The following ZFHX3 variants were observed in gnomAD, a reference collection of about 807,000 sequenced individuals.
ZFHX3 encodes zinc finger homeobox protein 3.
A neutral mutation model predicts 279.1 loss-of-function variants in ZFHX3; 42 were observed. The ratio of observed to expected loss-of-function variants is 0.15; its 90% confidence interval spans 0.12 to 0.19. The LOEUF (loss-of-function observed/expected upper bound fraction) is 0.19, where lower values mean the gene tolerates loss of function less well. Ranked by LOEUF, ZFHX3 falls within the 10% of genes least tolerant of loss-of-function variation. The pLI is 1.00. For missense variants in ZFHX3, 4,981 were observed against 4,754.0 expected (o/e 1.05, Z -1.40); for synonymous variants, 2,293 against 1,957.8 (o/e 1.17, Z -4.52).
intron 8 of ZFHX3, chr16:73,092,482 C>CA (rs1245013890): frequency 6.4e-6 from 1 of 157,178 alleles, no homozygotes; most frequent in Admixed American, 6.2e-5. Context: ...GTGGGGAGAG[C>CA]AAAGGGCCGG....
rs373469033 is a variant in ZFHX3 at position 72,811,709 on chromosome 16, C to T, written c.3732G>A (p.Thr1244=). The part of the protein sequence containing the change: ...DVNRLRVHAM[T]QHSVQPMLRC... ...GAAGCATGGGTTGCACCGAGTGCTG[C>T]GTCATGGCATGCACCCGGAGCCGGT... Residue 1244 remains threonine, a synonymous_variant, in exon 7 of 10, where the codon ACG becomes ACA. Transcript: ENST00000268489. 13 of 1,613,880 alleles carry T rather than the reference C, an allele frequency of 8.1e-6. No homozygotes were observed. The highest frequency in any genetic ancestry group is 6.7e-5 in the East Asian group (3 of 44,896).
At chr16:73,481,646 GTTTTTGTT>G (rs2018871410) in intron 2 of ZFHX3, among the ~76,000 whole-genome samples, 1 of 136,386 alleles carries the variant, frequency 7.3e-6, no homozygotes, top group South Asian at 2.3e-4. Context: ...TTGTTTGTTT[GTTTTTGTT>G]TGTTTGTTTG....
In ZFHX3 at chr16:73,091,485, C is replaced by T. The variant is rs879673497; in HGVS notation, c.-533+1750G>A. 7.2e-5 allele frequency among the ~76,000 whole-genome samples: 11 copies of T among 152,088 alleles called. No homozygotes were observed. The South Asian group carries it at 8.3e-4, about 11-fold the overall frequency. ...AGGCCAGCACACACTCCTGTGCTGG[C>T]GACACTTCTGCAGAGCTGGCCAGCA... On this transcript the variant is annotated intron_variant, in intron 8 of 17. Coordinates refer to the ZFHX3 transcript ENST00000641206.
intron 4 of ZFHX3, among the ~76,000 whole-genome samples, chr16:72,882,172 CTTTTTTTT>C (rs11298791): frequency 5.5e-4 from 57 of 103,788 alleles, no homozygotes; most frequent in African/African-American, 1.9e-3. Flanking sequence ...CCCCTTTTTC[CTTTTTTTT>C]TTTTTTTTTT....
intron 1 of ZFHX3, among the ~76,000 whole-genome samples, chr16:73,010,594 C>CA (rs1234218791): frequency 1.3e-5 from 2 of 152,192 alleles, no homozygotes; most frequent in Non-Finnish European, 2.9e-5. Context: ...CAGGTTACCT[C>CA]ATCTCAGCCT....
chr16:73,437,354 T>C (rs1383505003), intron 3 of ZFHX3, among the ~76,000 whole-genome samples: 1 of 152,196 alleles, frequency 6.6e-6, no homozygotes, highest in Non-Finnish European at 1.5e-5. Context: ...ACAAAAAGTA[T>C]TATACCAATT....
At chr16:73,355,839 G>C (rs1306264046) in intron 3 of ZFHX3, among the ~76,000 whole-genome samples, 2 of 152,164 alleles carry the variant, frequency 1.3e-5, no homozygotes, top group African/African-American at 4.8e-5. Context: ...ACCAAGCATA[G>C]GGCTTGACGC....
chr16:73,672,627 TC>T (rs1211672466), intron 2 of ZFHX3, among the ~76,000 whole-genome samples: 2 of 139,496 alleles, frequency 1.4e-5, no homozygotes, highest in Admixed American at 7.8e-5. Flanking sequence ...TTATTATTTT[TC>T]GAAAGAATAA....
chr16:73,812,967 T>C (rs1960465321), intron 1 of ZFHX3, among the ~76,000 whole-genome samples: 1 of 152,156 alleles, frequency 6.6e-6, no homozygotes, highest in Admixed American at 6.5e-5. Context: ...AATTAGCTAA[T>C]ATCTACAAGG....
intron 3 of ZFHX3, among the ~76,000 whole-genome samples, chr16:72,918,754 G>A (rs1307476392): frequency 6.6e-6 from 1 of 150,904 alleles, no homozygotes; most frequent in Non-Finnish European, 1.5e-5. Context: ...GGAGCGCAGT[G>A]GTGAAATCTC....
intron 2 of ZFHX3, among the ~76,000 whole-genome samples, chr16:73,666,253 C>T (rs1218834527): frequency 6.6e-6 from 1 of 151,920 alleles, no homozygotes; most frequent in East Asian, 1.9e-4. Flanking sequence ...GTAGATCCAT[C>T]ACTCACATAG....
At position 72,798,303 on chromosome 16, in the gene ZFHX3, A is replaced by G; in HGVS notation, c.4379T>C (p.Ile1460Thr). 1 of 1,614,170 alleles carries G rather than the reference A, an allele frequency of 6.2e-7. No individual in the cohort carries two copies. The highest frequency in any genetic ancestry group is 8.5e-7 in the Non-Finnish European group (1 of 1,180,034). ...TSHLELSEADIQQLYGGLLAN... is the reference protein window; with the variant it reads ...TSHLELSEADTQQLYGGLLAN... ...CAGCAGGCCACCATAAAGCTGTTGG[A>G]TGTCAGCCTCACTCAGCTCCAGGTG... is the stretch of plus-strand genomic sequence containing the variant. Residue 1460 changes from isoleucine (I) to threonine (T), a missense_variant, in exon 9 of 10, where the codon ATC (isoleucine) becomes ACC (threonine). Coordinates refer to ENST00000268489, the MANE Select transcript of ZFHX3 (RefSeq NM_006885.4).
intron 1 of ZFHX3, among the ~76,000 whole-genome samples, chr16:73,857,933 C>A (rs1382125133): frequency 6.6e-6 from 1 of 151,798 alleles, no homozygotes; most frequent in African/African-American, 2.4e-5. Context: ...ATGGTGAAAC[C>A]GAAGATACAA....
At chr16:73,134,122 G>T (rs1966745025) in intron 6 of ZFHX3, among the ~76,000 whole-genome samples, 1 of 152,050 alleles carries the variant, frequency 6.6e-6, no homozygotes, top group Non-Finnish European at 1.5e-5. Flanking sequence ...GGCACAAAAG[G>T]GTTGAGTAAT....
At chr16:73,233,557 T>C (rs1170084997) in intron 5 of ZFHX3, among the ~76,000 whole-genome samples, 1 of 152,192 alleles carries the variant, frequency 6.6e-6, no homozygotes, top group Non-Finnish European at 1.5e-5. Context: ...TTGGTTGGGT[T>C]TCTGGCAAAC....
chr16:73,657,154 C>T (rs1311619831), intron 2 of ZFHX3, among the ~76,000 whole-genome samples: 2 of 152,172 alleles, frequency 1.3e-5, no homozygotes, highest in Admixed American at 6.5e-5. Context: ...GTAGAATTCA[C>T]CCATTTAAAA....
At chr16:73,546,678 TGCTGC>T (rs1250703979) in intron 2 of ZFHX3, among the ~76,000 whole-genome samples, 4 of 14,820 alleles carry the variant, frequency 2.7e-4, no homozygotes, top group African/African-American at 1.1e-3. Flanking sequence ...CTGTTGCTGC[TGCTGC>T]TGCTGCTGCT....
chr16:73,866,493 C>G (rs1291097195), intron 1 of ZFHX3, among the ~76,000 whole-genome samples: 1 of 151,962 alleles, frequency 6.6e-6, no homozygotes, highest in African/African-American at 2.4e-5. Context: ...AAGACAAATG[C>G]CCGTCACTCC....
At chr16:73,730,110 C>T (rs1232353619) in intron 1 of ZFHX3, among the ~76,000 whole-genome samples, 1 of 152,076 alleles carries the variant, frequency 6.6e-6, no homozygotes, top group East Asian at 1.9e-4. Context: ...ACATGGTTAA[C>T]AGAGAAGACT....
Sources: gnomAD v4.1 joint callset for allele counts (sites outside exome capture counted in the v4.1 genomes callset) on GRCh38, gnomAD v4.1.1 for gene constraint, MANE v1.5 for transcripts, NCBI Gene and HGNC (gene_info 2026-07-23, HGNC 2026-07-21) for gene names.